The following RALYL variants were observed in gnomAD, a reference collection of about 807,000 sequenced individuals.
RALYL encodes RNA-binding Raly-like protein.
RALYL carries 29 observed loss-of-function variants against 35.1 expected under a neutral mutation model. That is an observed-to-expected ratio of 0.83 (90% confidence interval 0.61 to 1.13). RALYL has a LOEUF of 1.13. Among genes scored for constraint, RALYL ranks in the 50% most tolerant of loss-of-function variants. RALYL has a pLI of 0.00. For missense variants in RALYL, 359 were observed against 360.4 expected (o/e 1.00, Z 0.03); for synonymous variants, 120 against 127.6 (o/e 0.94, Z 0.40).
chr8:84,452,859 G>T (rs139143261), intron 1 of RALYL, among the ~76,000 whole-genome samples: 5 of 152,004 alleles, frequency 3.3e-5, no homozygotes, highest in Non-Finnish European at 2.9e-5. Context: ...GTGTATATAT[G>T]TATATTTATG....
At chr8:84,595,862 A>T (rs1814401856) in intron 2 of RALYL, among the ~76,000 whole-genome samples, 1 of 151,728 alleles carries the variant, frequency 6.6e-6, no homozygotes, top group African/African-American at 2.4e-5. Context: ...AATGGAAGAA[A>T]ACCACACGCT....
intron 1 of RALYL, among the ~76,000 whole-genome samples, chr8:84,368,075 G>A (rs969919962): frequency 7.2e-5 from 11 of 152,228 alleles, no homozygotes; most frequent in Middle Eastern, 3.4e-3. Context: ...TCTCCAACTC[G>A]TGATACACGC....
chr8:84,364,520 T>C (rs1853786517), intron 1 of RALYL, among the ~76,000 whole-genome samples: 1 of 134,572 alleles, frequency 7.4e-6, no homozygotes, highest in African/African-American at 3.0e-5. Flanking sequence ...TAGCTTATTC[T>C]TTCACCTAAA....
chr8:84,519,012 A>C (rs767957139), intron 1 of RALYL, among the ~76,000 whole-genome samples: 3 of 152,230 alleles, frequency 2.0e-5, no homozygotes, highest in Non-Finnish European at 4.4e-5. Flanking sequence ...GGGATACAGC[A>C]GAGTTTGATT....
intron 2 of RALYL, among the ~76,000 whole-genome samples, chr8:84,706,443 C>T (rs1293007557): frequency 1.3e-5 from 2 of 152,158 alleles, no homozygotes; most frequent in Admixed American, 1.3e-4. Flanking sequence ...TAGCCTAAAA[C>T]TTCTCGTTAT....
intron 1 of RALYL, among the ~76,000 whole-genome samples, chr8:84,347,454 CT>C (rs1208220813): frequency 6.6e-6 from 1 of 151,964 alleles, no homozygotes; most frequent in Non-Finnish European, 1.5e-5. Flanking sequence ...TGGCATCTTC[CT>C]TTTTTATGTG....
intron 1 of RALYL, among the ~76,000 whole-genome samples, chr8:84,369,959 G>A (rs1338650225): frequency 6.6e-6 from 1 of 152,102 alleles, no homozygotes; most frequent in African/African-American, 2.4e-5. Context: ...TACTGAACAT[G>A]CAACACCAGC....
At chr8:84,202,367 A>ATTTTTTT (rs1187950600) in intron 1 of RALYL, among the ~76,000 whole-genome samples, 2 of 113,448 alleles carry the variant, frequency 1.8e-5, no homozygotes, top group Admixed American at 9.8e-5. Context: ...TATTGAAGGG[A>ATTTTTTT]TTTTTTTTTT....
At chr8:84,424,687 A>T in intron 1 of RALYL, among the ~76,000 whole-genome samples, 1 of 151,594 alleles carries the variant, frequency 6.6e-6, no homozygotes, top group East Asian at 1.9e-4. Flanking sequence ...GGTTTTATCT[A>T]CTTTTGGTCT....
intron 1 of RALYL, among the ~76,000 whole-genome samples, chr8:84,448,762 G>A (rs1236228850): frequency 2.6e-5 from 4 of 151,982 alleles, no homozygotes; most frequent in African/African-American, 7.2e-5. Context: ...CTCTTATAGC[G>A]TAAAAATCTT....
At chr8:84,679,728 G>T in intron 2 of RALYL, 1 of 522,250 alleles carries the variant, frequency 1.9e-6, no homozygotes, top group Non-Finnish European at 3.9e-6. Flanking sequence ...AATATTAAGT[G>T]CTGATGGCCA....
intron 2 of RALYL, among the ~76,000 whole-genome samples, chr8:84,759,535 G>A (rs73300154): frequency 0.02 from 3,006 of 152,220 alleles, 113 homozygotes; most frequent in African/African-American, 0.069. Flanking sequence ...GATTAAGTAA[G>A]ATAAAATTTT....
chr8:84,394,925 A>T (rs1201374785), intron 1 of RALYL, among the ~76,000 whole-genome samples: 1 of 151,884 alleles, frequency 6.6e-6, no homozygotes, highest in African/African-American at 2.4e-5. Flanking sequence ...AGTGAAGTTC[A>T]TTTACTCATT....
intron 1 of RALYL, among the ~76,000 whole-genome samples, chr8:84,394,020 T>A (rs905345212): frequency 9.9e-5 from 15 of 152,230 alleles, no homozygotes; most frequent in Non-Finnish European, 1.8e-4. Context: ...CATATCCACT[T>A]TAAAATCCTC....
At chr8:84,826,270 T>C (rs981440738) in intron 4 of RALYL, among the ~76,000 whole-genome samples, 3 of 87,518 alleles carry the variant, frequency 3.4e-5, no homozygotes, top group Non-Finnish European at 6.4e-5. Context: ...GTAACAAAAC[T>C]ACACATGTAT....
rs926315897 is a variant in RALYL at position 84,638,273 on chromosome 8, G to C, written c.256+108696G>C. ...ATTCTTTGAACTGAATGATAATAGTGACACAACCTATCAAAACTTCTGGGA... is the reference window on the plus strand; with the variant it reads ...ATTCTTTGAACTGAATGATAATAGTCACACAACCTATCAAAACTTCTGGGA... On this transcript the variant is annotated intron_variant, in intron 2 of 8. Transcript: ENST00000521268. Among the ~76,000 whole-genome samples the C allele has an allele frequency of 4.0e-5, 6 of 151,668 alleles. No homozygotes were observed. The East Asian group carries it at 1.2e-3, about 29-fold the overall frequency.
intron 1 of RALYL, among the ~76,000 whole-genome samples, chr8:84,241,372 A>G (rs779406159): frequency 6.6e-6 from 1 of 152,028 alleles, no homozygotes; most frequent in Non-Finnish European, 1.5e-5. Flanking sequence ...TACGTTCTCC[A>G]TTAAGAGTAA....
At chr8:84,592,053 A>G (rs1813425697) in intron 2 of RALYL, among the ~76,000 whole-genome samples, 1 of 152,126 alleles carries the variant, frequency 6.6e-6, no homozygotes, top group Non-Finnish European at 1.5e-5. Context: ...GCAGCTAACC[A>G]GTGCATTTTG....
At position 84,186,858 on chromosome 8, in the gene RALYL, C is replaced by T. The variant is rs150308855; in HGVS notation, c.-24+2434C>T. On this transcript the variant is annotated intron_variant, in intron 1 of 8. Coordinates refer to ENST00000521268, the MANE Select transcript of RALYL (RefSeq NM_173848.7). ...TGTGTGAATCATTCTGGGAATTCTA[C>T]AACTCTTAAACTGGCCACCTGTTTA... Among the ~76,000 whole-genome samples, 70 of 152,234 alleles carry T rather than the reference C, an allele frequency of 4.6e-4. 1 individual carries two copies. In the East Asian group the frequency reaches 0.011, roughly 24 times the overall value.
Sources: allele counts gnomAD v4.1 joint callset (sites outside exome capture counted in the v4.1 genomes callset), GRCh38; gene constraint gnomAD v4.1.1; transcripts MANE v1.5; gene names NCBI Gene and HGNC (gene_info 2026-07-23, HGNC 2026-07-21).